The following PDS5B variants were observed in gnomAD, a reference collection of about 807,000 sequenced individuals.
PDS5B encodes PDS5 cohesin associated factor B.
A neutral mutation model predicts 184.1 loss-of-function variants in PDS5B; 51 were observed. The ratio of observed to expected loss-of-function variants is 0.28; its 90% CI spans 0.22 to 0.35. The LOEUF (loss-of-function observed/expected upper bound fraction) is 0.35. Ranked by LOEUF, PDS5B falls within the 10% of genes least tolerant of loss-of-function variation. The probability of loss-of-function intolerance (pLI) is 1.00; values close to 1 mark genes in which losing one functional copy is unlikely to be tolerated. For synonymous variants in PDS5B, 566 were observed against 569.2 expected (o/e 0.99, Z 0.08); for missense variants, 1,180 against 1,723.3 (o/e 0.68, Z 5.58).
chr13:32,659,086 G>A (rs1950583394), intron 5 of PDS5B, 68 bp from the exon 6 acceptor site: 2 of 1,153,292 alleles, frequency 1.7e-6, no homozygotes, highest in African/African-American at 1.5e-5. Flanking sequence ...ATGCTTGTCA[G>A]TGTCATCTTA....
intron 1 of PDS5B, among the ~76,000 whole-genome samples, chr13:32,588,045 G>T (rs1593220083): frequency 1.3e-5 from 2 of 152,270 alleles, no homozygotes. Flanking sequence ...CAGACAGAAC[G>T]TTTTTTATAT....
chr13:32,636,206 C>T (rs1302604877), intron 1 of PDS5B, among the ~76,000 whole-genome samples: 1 of 151,780 alleles, frequency 6.6e-6, no homozygotes, highest in Non-Finnish European at 1.5e-5. Flanking sequence ...TTCTGAACTT[C>T]ATTTTCTTCA....
At chr13:32,670,024 ATCC>A (rs928940781) in intron 7 of PDS5B, among the ~76,000 whole-genome samples, 6 of 152,300 alleles carry the variant, frequency 3.9e-5, no homozygotes, top group Admixed American at 3.9e-4. Context: ...TTATTTACTC[ATCC>A]TCCTAGTTGA....
intron 32 of PDS5B, 33 bp from the exon 33 acceptor site, chr13:32,770,621 A>AATT: frequency 1.2e-6 from 2 of 1,600,790 alleles, no homozygotes; most frequent in Non-Finnish European, 1.7e-6. Context: ...TCATAATTTG[A>AATT]TGCTATCCAC....
intron 31 of PDS5B, among the ~76,000 whole-genome samples, chr13:32,768,449 A>T (rs543588601): frequency 5.9e-5 from 9 of 152,244 alleles, no homozygotes; most frequent in African/African-American, 2.2e-4. Context: ...GCTTGAACAT[A>T]CAATTTTTTT....
intron 3 of PDS5B, among the ~76,000 whole-genome samples, chr13:32,654,990 T>C (rs1950465133): frequency 6.6e-6 from 1 of 152,168 alleles, no homozygotes; most frequent in Non-Finnish European, 1.5e-5. Flanking sequence ...TACGAACATA[T>C]GCATACATGC....
intron 19 of PDS5B, among the ~76,000 whole-genome samples, chr13:32,715,249 CA>C (rs1446807096): frequency 6.6e-6 from 1 of 152,160 alleles, no homozygotes; most frequent in African/African-American, 2.4e-5. Flanking sequence ...ATTTCCTAGG[CA>C]GCCCTAGCTA....
intron 1 of PDS5B, among the ~76,000 whole-genome samples, chr13:32,638,184 T>C (rs1335781335): frequency 6.6e-6 from 1 of 152,218 alleles, no homozygotes; most frequent in Non-Finnish European, 1.5e-5. Context: ...CCAAGAGCAG[T>C]AGGTAAGCTA....
At chr13:32,667,239 G>A (rs767026431) in intron 6 of PDS5B, among the ~76,000 whole-genome samples, 5 of 151,944 alleles carry the variant, frequency 3.3e-5, no homozygotes, top group African/African-American at 7.3e-5. Context: ...TCTTCCGCCC[G>A]TACTTTACTA....
intron 1 of PDS5B, among the ~76,000 whole-genome samples, chr13:32,607,030 AC>A (rs1371634784): frequency 6.6e-6 from 1 of 152,098 alleles, no homozygotes; most frequent in African/African-American, 2.4e-5. Flanking sequence ...GTTTGTTATT[AC>A]CGATCATCTA....
intron 6 of PDS5B, among the ~76,000 whole-genome samples, chr13:32,663,035 A>T (rs1222122620): frequency 6.6e-6 from 1 of 152,152 alleles, no homozygotes; most frequent in African/African-American, 2.4e-5. Flanking sequence ...AATCAAGACA[A>T]ATAGCCTATA....
intron 1 of PDS5B, among the ~76,000 whole-genome samples, chr13:32,610,708 G>C (rs1162646758): frequency 6.6e-6 from 1 of 151,372 alleles, no homozygotes; most frequent in Non-Finnish European, 1.5e-5. Flanking sequence ...CACTGTGTTT[G>C]AGTCCTGGCT....
At position 32,636,905 on chromosome 13, in the gene PDS5B, T is replaced by A. The variant is rs572013632; in HGVS notation, c.-19-11849T>A. On this transcript the variant is annotated intron_variant, in intron 1 of 34. Transcript: ENST00000315596. ...AGCTTCCCTGATTGACAGGTGAGAC[T>A]TGAAAGAGCAGTGTTAGCCAGGCAT... Among the ~76,000 whole-genome samples the A allele has an allele frequency of 2.6e-5, 4 of 152,286 alleles. No homozygotes were observed. The East Asian group carries it at 7.7e-4, about 29-fold the overall frequency.
At chr13:32,593,919 A>G (rs1337555030) in intron 1 of PDS5B, among the ~76,000 whole-genome samples, 1 of 152,170 alleles carries the variant, frequency 6.6e-6, no homozygotes, top group Non-Finnish European at 1.5e-5. Context: ...CCATGTATAA[A>G]TGAACCTGCA....
intron 24 of PDS5B, among the ~76,000 whole-genome samples, chr13:32,748,583 C>T (rs897907888): frequency 2.6e-5 from 4 of 151,560 alleles, no homozygotes; most frequent in African/African-American, 9.7e-5. Context: ...ACATCAGCAA[C>T]GTTAAGGTTT....
At chr13:32,659,396 G>C in intron 6 of PDS5B, 116 bp downstream of exon 6, 2 of 682,112 alleles carry the variant, frequency 2.9e-6, no homozygotes, top group Non-Finnish European at 4.5e-6. Flanking sequence ...GAATCTGTTG[G>C]TTTAGTTATA....
Position 32,764,597 on chromosome 13 carries a change from G to A in PDS5B, c.3624+3G>A. On this transcript the variant is annotated splice_donor_region_variant and intron_variant, in intron 31 of 34. Transcript: ENST00000315596. Reference sequence around the variant, plus strand: ...GAGACGACTCTGATCTTGTAAGGGTGAGATATTTGCATTGATTTTATAATA... The same window carrying A: ...GAGACGACTCTGATCTTGTAAGGGTAAGATATTTGCATTGATTTTATAATA... 1 of 1,507,150 alleles carries A rather than the reference G, an allele frequency of 6.6e-7. No homozygotes were observed. The allele number at this position is 1,507,150 out of a possible 1,614,324, so 93.4% of individuals were successfully genotyped here. A position where few individuals can be genotyped will look rare whatever the true frequency, so the allele number is the denominator to read the frequency against.
chr13:32,667,099 TA>T (rs1181684110), intron 6 of PDS5B, among the ~76,000 whole-genome samples: 11 of 152,204 alleles, frequency 7.2e-5, no homozygotes. Context: ...AGTTTAAGGA[TA>T]TATACAGTGT....
At chr13:32,633,610 A>G (rs1028060725) in intron 1 of PDS5B, among the ~76,000 whole-genome samples, 1 of 152,174 alleles carries the variant, frequency 6.6e-6, no homozygotes, top group African/African-American at 2.4e-5. Flanking sequence ...TTTATGTACT[A>G]TAATGATTTT....
Sources: gnomAD v4.1 joint callset for allele counts (sites outside exome capture counted in the v4.1 genomes callset) on GRCh38, gnomAD v4.1.1 for gene constraint, MANE v1.5 for transcripts, NCBI Gene and HGNC (gene_info 2026-07-23, HGNC 2026-07-21) for gene names.